NXPH4: variants seen among roughly 807,000 people sequenced by gnomAD.
The protein encoded by NXPH4 is neurexophilin-4.
A neutral mutation model predicts 21.3 loss-of-function variants in NXPH4; 8 were observed. That is an observed-to-expected ratio of 0.38 (90% CI 0.22 to 0.68). NXPH4 has a LOEUF of 0.68. Among genes scored for constraint, NXPH4 ranks in the 30% least tolerant of loss-of-function variants. The probability of loss-of-function intolerance (pLI) is 0.53; values close to 1 mark genes in which losing one functional copy is unlikely to be tolerated. For missense variants in NXPH4, 418 were observed against 416.8 expected, an observed-to-expected ratio of 1.00 and a Z score of -0.03; for synonymous variants, 219 against 192.6, an observed-to-expected ratio of 1.14 and a Z score of -1.13.
At chr12:57,224,323 G>C (rs190344877) in intron 1 of NXPH4, among the ~76,000 whole-genome samples, 21 of 152,054 alleles carry the variant, frequency 1.4e-4, no homozygotes, top group African/African-American at 4.6e-4. Context: ...CTCCATGTTG[G>C]CCAGGCTGGT....
chr12:57,222,875 C>T lies in NXPH4; in HGVS notation c.58-2003C>T, dbSNP rs907051065. Among the ~76,000 whole-genome samples the T allele has an allele frequency of 3.9e-5, 6 of 152,126 alleles. No individual in the cohort carries two copies. In the East Asian group the frequency reaches 7.7e-4, roughly 20 times the overall value. Reference sequence around the variant, plus strand: ...GGGGGCGATAAATATGTATGACGAGCGGGTGGTGGCAGCATTAATAACCCG... The same window carrying T: ...GGGGGCGATAAATATGTATGACGAGTGGGTGGTGGCAGCATTAATAACCCG... On this transcript the variant is annotated intron_variant, in intron 1 of 1. Transcript: ENST00000349394.
At position 57,224,926 on chromosome 12, in the gene NXPH4, C is replaced by A; in HGVS notation, c.106C>A (p.Leu36Met). 7.4e-7 allele frequency: 1 copy of A among 1,351,436 alleles called. No individual in the cohort carries two copies. Among genetic ancestry groups the A allele is most frequent in the Middle Eastern group, 2.2e-4 (1 of 4,596 alleles). The allele number at this position is 1,351,436 out of a possible 1,614,324, so 83.7% of individuals were successfully genotyped here. A position where few individuals can be genotyped will look rare whatever the true frequency, so the allele number is the denominator to read the frequency against. The change falls in exon 2 of 2, where the codon CTG becomes ATG. Residue 36 changes from leucine to methionine, a missense_variant. Transcript: ENST00000349394. The stretch of plus-strand genomic sequence containing the variant: ...GTCCGGAAGGCCGCAGTACCTGGGG[C>A]TGCGCCCCGCCGCGGCCGGAGCGGG... ...PESGRPQYLGLRPAAAGAGAP... is the reference protein window; with the variant it reads ...PESGRPQYLGMRPAAAGAGAP...
At chr12:57,220,345 G>T (rs547344426) in intron 1 of NXPH4, among the ~76,000 whole-genome samples, 1 of 152,346 alleles carries the variant, frequency 6.6e-6, no homozygotes, top group Admixed American at 6.5e-5. Context: ...ACCGCGCCCC[G>T]GAGCCGGCGC....
At chr12:57,222,632 A>G (rs2037102595) in intron 1 of NXPH4, among the ~76,000 whole-genome samples, 1 of 151,910 alleles carries the variant, frequency 6.6e-6, no homozygotes, top group African/African-American at 2.4e-5. Context: ...CCCTCCCCCA[A>G]TGCCCTCTCT....
chr12:57,224,826 G>A (rs1486218972), intron 1 of NXPH4, 52 bp from the exon 2 acceptor site: 1 of 574,890 alleles, frequency 1.7e-6, no homozygotes, highest in Non-Finnish European at 2.9e-6. Context: ...GGCTCTGGCA[G>A]GATGGCGGGG....
chr12:57,219,181 C>G (rs1314591130), intron 1 of NXPH4, among the ~76,000 whole-genome samples: 1 of 152,036 alleles, frequency 6.6e-6, no homozygotes, highest in African/African-American at 2.4e-5. Context: ...CAACCCTAAC[C>G]ATGAACGGCT....
chr12:57,222,519 G>A (rs1779091223), intron 1 of NXPH4, among the ~76,000 whole-genome samples: 1 of 152,162 alleles, frequency 6.6e-6, no homozygotes, highest in Admixed American at 6.5e-5. Context: ...TGGGGATAGG[G>A]GGGACCTGGA....
rs180911868 is a variant in NXPH4, at chr12:57,225,172, C to T, written c.352C>T (p.Leu118Phe). ...WGDFYFRVHT[L>F]KFSLLVTGKI... Reference sequence around the variant, plus strand: ...GGACTTCTACTTTCGGGTGCATACCCTCAAGTTTTCGCTGCTGGTGACCGG... The same window carrying T: ...GGACTTCTACTTTCGGGTGCATACCTTCAAGTTTTCGCTGCTGGTGACCGG... Residue 118 changes from leucine (L) to phenylalanine (F), a missense_variant, in exon 2 of 2, where the codon CTC becomes TTC. Leu to Phe is a conservative substitution (Grantham distance 22). Transcript: ENST00000349394. 5 of 1,590,156 alleles carry T rather than the reference C, an allele frequency of 3.1e-6. No homozygotes were observed. Among genetic ancestry groups the T allele is most frequent in the Non-Finnish European group, 4.3e-6 (5 of 1,168,358 alleles).
chr12:57,220,912 C>T (rs2037085064), intron 1 of NXPH4, among the ~76,000 whole-genome samples: 1 of 152,016 alleles, frequency 6.6e-6, no homozygotes, highest in South Asian at 2.1e-4. Context: ...TGCCTGTCCC[C>T]TGTGCTTATC....
intron 1 of NXPH4, among the ~76,000 whole-genome samples, chr12:57,223,191 A>T (rs1454471407): frequency 6.6e-6 from 1 of 152,140 alleles, no homozygotes; most frequent in Non-Finnish European, 1.5e-5. Flanking sequence ...CCCCCTTTAG[A>T]AAGAGCTTGA....
intron 1 of NXPH4, among the ~76,000 whole-genome samples, chr12:57,221,050 T>C (rs1338262199): frequency 6.6e-6 from 1 of 152,084 alleles, no homozygotes; most frequent in Non-Finnish European, 1.5e-5. Context: ...TCTATTCTGC[T>C]TCTCATCCCT....
chr12:57,218,939 T>C (rs2037064307), intron 1 of NXPH4, among the ~76,000 whole-genome samples: 1 of 151,486 alleles, frequency 6.6e-6, no homozygotes, highest in Non-Finnish European at 1.5e-5. Context: ...GCCCATGTGT[T>C]GTCTGTATGA....
At chr12:57,223,279 C>T (rs1416930764) in intron 1 of NXPH4, among the ~76,000 whole-genome samples, 3 of 152,052 alleles carry the variant, frequency 2.0e-5, no homozygotes, top group Admixed American at 6.6e-5. Flanking sequence ...ACCCTCAGAC[C>T]GCTATACACA....
At position 57,225,056 on chromosome 12, in the gene NXPH4, G is replaced by T. The variant is rs1283103079; in HGVS notation, c.236G>T (p.Arg79Leu). Residue 79 changes from arginine (R) to leucine (L), a missense_variant, in exon 2 of 2, where the codon CGG becomes CTG. Physicochemically the swap from Arg to Leu is moderately radical, Grantham distance 102. Transcript: ENST00000349394. ...WPTNHTGALA[R>L]AGAAGALPAQ... Reference sequence around the variant, plus strand: ...ACCAACCACACGGGGGCGCTGGCCCGGGCAGGGGCAGCCGGGGCGTTGCCC... The same window carrying T: ...ACCAACCACACGGGGGCGCTGGCCCTGGCAGGGGCAGCCGGGGCGTTGCCC... 7 of 1,476,928 alleles carry T rather than the reference G, an allele frequency of 4.7e-6. No individual in the cohort carries two copies. The highest frequency in any genetic ancestry group is 6.3e-6 in the Non-Finnish European group (7 of 1,111,548). The allele number at this position is 1,476,928 out of a possible 1,614,324, so 91.5% of individuals were successfully genotyped here.
In NXPH4 at chr12:57,225,966, A is replaced by G. The variant is rs879227868; in HGVS notation, c.*219A>G. On this transcript the variant is annotated 3_prime_UTR_variant, in exon 2 of 2. Coordinates refer to ENST00000349394, the MANE Select transcript of NXPH4 (RefSeq NM_007224.4). ...GGGTAGCCCCCTCCAGTACACCCCAAAGTGAAAGGGATAAGAGTGCAGCCC... is the reference window on the plus strand; with the variant it reads ...GGGTAGCCCCCTCCAGTACACCCCAGAGTGAAAGGGATAAGAGTGCAGCCC... 15 of 1,412,720 alleles carry G rather than the reference A, an allele frequency of 1.1e-5. No homozygotes were observed. The highest frequency in any genetic ancestry group is 1.4e-5 in the Non-Finnish European group (15 of 1,081,976). 87.5% of individuals were successfully genotyped at this position (1,412,720 alleles called of 1,614,324 possible). A position where few individuals can be genotyped will look rare whatever the true frequency, so the allele number is the denominator to read the frequency against.
chr12:57,218,663 A>AGT (rs2037061594), intron 1 of NXPH4, among the ~76,000 whole-genome samples: 1 of 151,954 alleles, frequency 6.6e-6, no homozygotes, highest in Non-Finnish European at 1.5e-5. Context: ...GATCTATCTG[A>AGT]GTGTGTGTGT....
At chr12:57,222,915 C>T (rs562215291) in intron 1 of NXPH4, among the ~76,000 whole-genome samples, 17 of 152,242 alleles carry the variant, frequency 1.1e-4, no homozygotes, top group African/African-American at 3.4e-4. Context: ...CGCAGCGTGG[C>T]GGGGACGGGG....
intron 1 of NXPH4, among the ~76,000 whole-genome samples, chr12:57,220,690 C>T (rs1263453208): frequency 6.6e-6 from 1 of 152,104 alleles, no homozygotes; most frequent in East Asian, 1.9e-4. Flanking sequence ...CCTGCCTGGT[C>T]TTTGCCTTGC....
Position 57,225,995 on chromosome 12 carries a change from A to C in NXPH4, c.*248A>C, listed in dbSNP as rs2037144653. 1.5e-6 allele frequency: 2 copies of C among 1,316,936 alleles called. No homozygotes were observed. Among genetic ancestry groups the C allele is most frequent in the South Asian group, 3.7e-5 (2 of 54,276 alleles). 81.6% of individuals were successfully genotyped at this position (1,316,936 alleles called of 1,614,324 possible). On this transcript the variant is annotated 3_prime_UTR_variant, in exon 2 of 2. Transcript: ENST00000349394. ...GAAAGGGATAAGAGTGCAGCCCCAG[A>C]ATAGGCGGGGCTTGGAGGCGGTCCC...
Sources: allele counts gnomAD v4.1 joint callset (sites outside exome capture counted in the v4.1 genomes callset), GRCh38; gene constraint gnomAD v4.1.1; transcripts MANE v1.5; gene names NCBI Gene and HGNC (gene_info 2026-07-23, HGNC 2026-07-21).